MARK1: variants seen among roughly 807,000 people sequenced by gnomAD.
MARK1 encodes microtubule affinity regulating kinase 1.
Under a neutral mutation model 96.3 loss-of-function variants are expected in MARK1, and 40 were observed. The observed-to-expected ratio is 0.42, with a 90% CI of 0.32 to 0.54. The LOEUF is 0.54. Ranked by LOEUF, MARK1 falls within the 20% of genes least tolerant of loss-of-function variation. The pLI, the probability that MARK1 is intolerant of heterozygous loss-of-function variation, is 0.16. For synonymous variants in MARK1, 317 were observed against 341.2 expected, an observed-to-expected ratio of 0.93 and a Z score of 0.78; for missense variants, 719 against 984.6, an observed-to-expected ratio of 0.73 and a Z score of 3.61.
chr1:220,618,660 G>C lies in MARK1; in HGVS notation c.814G>C (p.Gly272Arg). The stretch of plus-strand genomic sequence containing the variant: ...GGAACTGCGAGAGCGAGTTTTACGA[G>C]GGAAGTACCGTATTCCCTTCTATAT... ...LKELRERVLR[G>R]KYRIPFYMST... The change falls in exon 9 of 18, where the codon GGG becomes CGG. Residue 272 changes from glycine (G) to arginine (R), a missense_variant. This residue lies in a region of MARK1 where 96 missense variants were observed against 213.1 expected (regional missense o/e 0.45). Coordinates refer to ENST00000366917, the MANE Select transcript of MARK1 (RefSeq NM_018650.5). This position sits in a 1 kb window ranked among gnomAD's most constrained non-coding sequence, Gnocchi z 4.6. The C allele has an allele frequency of 6.2e-7, 1 of 1,613,786 alleles. No homozygotes were observed. Among genetic ancestry groups the C allele is most frequent in the East Asian group, 2.2e-5 (1 of 44,882 alleles).
chr1:220,597,445 G>T (rs1665447547), intron 3 of MARK1, among the ~76,000 whole-genome samples: 1 of 151,916 alleles, frequency 6.6e-6, no homozygotes, highest in South Asian at 2.1e-4. Context: ...GTGTGAGGTG[G>T]TACCTCTTTG....
chr1:220,632,538 C>A (rs1572206708), intron 11 of MARK1, among the ~76,000 whole-genome samples: 1 of 152,238 alleles, frequency 6.6e-6, no homozygotes, highest in African/African-American at 2.4e-5. Flanking sequence ...CTCCAAGAGC[C>A]ACCATTCACA....
At chr1:220,571,075 A>AT (rs1334303423) in intron 1 of MARK1, among the ~76,000 whole-genome samples, 5 of 152,132 alleles carry the variant, frequency 3.3e-5, no homozygotes, top group Admixed American at 2.0e-4. Flanking sequence ...AATAAAATTG[A>AT]TTTTTTTGTT....
chr1:220,603,008 A>G (rs545277890), intron 5 of MARK1, among the ~76,000 whole-genome samples: 1 of 152,160 alleles, frequency 6.6e-6, no homozygotes, highest in South Asian at 2.1e-4. Flanking sequence ...AAGTTAAGAA[A>G]TCTTCCTAAT....
At position 220,659,536 on chromosome 1, in the gene MARK1, T is replaced by A. The variant is rs140678832; in HGVS notation, c.2033+1702T>A. On this transcript the variant is annotated intron_variant, in intron 17 of 17. Transcript: ENST00000366917. ...AGGGGTAAATGAGTAATTAATACAT[T>A]TTAGGCACTTAGGACAATTCCTGCA... Among the ~76,000 whole-genome samples the A allele has an allele frequency of 5.4e-3, 827 of 152,276 alleles. 4 individuals are homozygous for A. The highest frequency in any genetic ancestry group is 6.8e-3 in the Non-Finnish European group (462 of 68,026).
chr1:220,617,950 C>T (rs1029027949), intron 7 of MARK1, among the ~76,000 whole-genome samples: 3 of 151,998 alleles, frequency 2.0e-5, no homozygotes, highest in East Asian at 1.9e-4. Context: ...CAGATGGATT[C>T]GTATTATGTT....
chr1:220,602,955 A>G (rs1435991498), intron 5 of MARK1, among the ~76,000 whole-genome samples: 2 of 152,052 alleles, frequency 1.3e-5, no homozygotes, highest in Non-Finnish European at 1.5e-5. Flanking sequence ...AATCCTTACA[A>G]CAACCATGTG....
intron 9 of MARK1, among the ~76,000 whole-genome samples, chr1:220,624,608 A>G (rs1667220638): frequency 6.6e-6 from 1 of 152,128 alleles, no homozygotes; most frequent in South Asian, 2.1e-4. Flanking sequence ...CAAAAAAAAA[A>G]AAAAAAAGTT....
chr1:220,535,375 C>T (rs764913059), intron 1 of MARK1, among the ~76,000 whole-genome samples: 8 of 152,050 alleles, frequency 5.3e-5, no homozygotes, highest in Non-Finnish European at 7.4e-5. Flanking sequence ...TGTATGTCTT[C>T]TTTAGAGAAA....
intron 11 of MARK1, among the ~76,000 whole-genome samples, chr1:220,634,035 C>G (rs889194726): frequency 6.6e-6 from 1 of 152,140 alleles, no homozygotes; most frequent in Non-Finnish European, 1.5e-5. Context: ...TCCCAGTGAA[C>G]CTACCAGGTA....
At chr1:220,574,438 A>G (rs960075612) in intron 1 of MARK1, among the ~76,000 whole-genome samples, 4 of 151,894 alleles carry the variant, frequency 2.6e-5, no homozygotes, top group African/African-American at 9.7e-5. Flanking sequence ...TTTCTCTCTC[A>G]CTTTCCAGCC....
rs1491229281 is a variant in MARK1, at chr1:220,556,486, A to AG, written c.52-22868_52-22867insG. On this transcript the variant is annotated intron_variant, in intron 1 of 17. Transcript: ENST00000366917. ...AATCTAGGACCCATGGGACTGTCAC[A>AG]AAAAAAAAAAAAAAAAAAAACAAAT... Among the ~76,000 whole-genome samples, 74 of 13,804 alleles carry AG rather than the reference A, an allele frequency of 5.4e-3. 1 individual carries two copies. The highest frequency in any genetic ancestry group is 0.015 in the African/African-American group (71 of 4,648). 9.1% of individuals were successfully genotyped at this position (13,804 alleles called of 152,430 possible). A position where few individuals can be genotyped will look rare whatever the true frequency, so the allele number is the denominator to read the frequency against.
At chr1:220,588,304 A>G (rs563697897) in intron 3 of MARK1, among the ~76,000 whole-genome samples, 5 of 152,214 alleles carry the variant, frequency 3.3e-5, no homozygotes, top group Non-Finnish European at 5.9e-5. Flanking sequence ...GTACTAGTTC[A>G]TAAGAAATTA....
At chr1:220,640,895 G>A (rs1442235734) in intron 13 of MARK1, among the ~76,000 whole-genome samples, 3 of 152,174 alleles carry the variant, frequency 2.0e-5, no homozygotes, top group Non-Finnish European at 4.4e-5. Flanking sequence ...TTGCATTGGG[G>A]ATCAAGCTTC....
intron 3 of MARK1, among the ~76,000 whole-genome samples, chr1:220,583,463 C>T (rs1334968801): frequency 6.6e-6 from 1 of 152,118 alleles, no homozygotes; most frequent in African/African-American, 2.4e-5. Context: ...ATATTGTTCC[C>T]ATAATATGCT....
chr1:220,639,700 C>A (rs1668164123), intron 13 of MARK1, among the ~76,000 whole-genome samples: 1 of 152,192 alleles, frequency 6.6e-6, no homozygotes. Flanking sequence ...TCCCCACTGG[C>A]ACTCACCTCA....
In MARK1 at chr1:220,528,584, C is replaced by T. The variant is rs1660074041; in HGVS notation, c.-239C>T. 8.4e-6 allele frequency: 4 copies of T among 477,804 alleles called. No homozygotes were observed. The South Asian group carries it at 9.8e-5, about 12-fold the overall frequency. The allele number at this position is 477,804 out of a possible 1,614,324, so 29.6% of individuals were successfully genotyped here. A position where few individuals can be genotyped will look rare whatever the true frequency, so the allele number is the denominator to read the frequency against. ...GGCAACCGCCTCGCCCGAAGCCCTC[C>T]CTCGTTACTGTCCGCATACCCCGGC... On this transcript the variant is annotated 5_prime_UTR_variant, in exon 1 of 18. Transcript: ENST00000366917.
At chr1:220,540,860 T>C (rs906812757) in intron 1 of MARK1, among the ~76,000 whole-genome samples, 3 of 152,186 alleles carry the variant, frequency 2.0e-5, no homozygotes, top group African/African-American at 7.2e-5. Flanking sequence ...TTTCTTCTGC[T>C]AAATTTTGAC....
intron 1 of MARK1, among the ~76,000 whole-genome samples, chr1:220,535,233 T>C (rs954457249): frequency 7.2e-5 from 11 of 152,148 alleles, no homozygotes; most frequent in African/African-American, 2.7e-4. Context: ...TTTCTGTTTT[T>C]ATTTTGTTTT....
Sources: allele counts gnomAD v4.1 joint callset (sites outside exome capture counted in the v4.1 genomes callset), GRCh38; gene constraint gnomAD v4.1.1; regional missense constraint gnomAD v4.1.1; non-coding constraint Gnocchi (gnomAD v3.1); transcripts MANE v1.5; gene names NCBI Gene and HGNC (gene_info 2026-07-23, HGNC 2026-07-21).